The following PELI2 variants were observed in gnomAD, a reference collection of about 807,000 sequenced individuals.
The protein encoded by PELI2 is pellino E3 ubiquitin protein ligase family member 2.
A neutral mutation model predicts 42.3 loss-of-function variants in PELI2; 23 were observed. That is an observed-to-expected ratio of 0.54 (90% CI 0.39 to 0.77). The LOEUF is 0.77. PELI2 is among the 30% of genes least tolerant of loss of function. PELI2 has a pLI of 0.00. For synonymous variants in PELI2, 245 were observed against 212.2 expected, an observed-to-expected ratio of 1.15 and a Z score of -1.34; for missense variants, 463 against 553.2, an observed-to-expected ratio of 0.84 and a Z score of 1.64.
chr14:56,296,172 C>T lies in PELI2; in HGVS notation c.697-428C>T, dbSNP rs144761195. ...CCTCCAGTAATGACTGCAGGCCCCCCGCAAGATCTTCTGGATTGGCTGTCA... is the reference window on the plus strand; with the variant it reads ...CCTCCAGTAATGACTGCAGGCCCCCTGCAAGATCTTCTGGATTGGCTGTCA... On this transcript the variant is annotated intron_variant, in intron 5 of 5. Coordinates refer to ENST00000267460, the MANE Select transcript of PELI2 (RefSeq NM_021255.3). 6.2e-4 allele frequency among the ~76,000 whole-genome samples: 94 copies of T among 152,280 alleles called. 1 individual carries two copies. In the South Asian group the frequency reaches 0.01, roughly 16 times the overall value.
intron 2 of PELI2, among the ~76,000 whole-genome samples, chr14:56,199,153 A>G (rs1886242316): frequency 6.6e-6 from 1 of 152,180 alleles, no homozygotes; most frequent in Non-Finnish European, 1.5e-5. Flanking sequence ...TTTTATTACT[A>G]TCATGTGTGA....
rs569232506 is a variant in PELI2, at chr14:56,297,660, G to C, written c.*494G>C. On this transcript the variant is annotated 3_prime_UTR_variant, in exon 6 of 6. Transcript: ENST00000267460. Reference sequence around the variant, plus strand: ...GACAGCAGAGGGGCGGCTCTGTACAGTGTGACTGGTGGACAGATGGCCTTA... The same window carrying C: ...GACAGCAGAGGGGCGGCTCTGTACACTGTGACTGGTGGACAGATGGCCTTA... 6.5e-6 allele frequency: 1 copy of C among 154,092 alleles called. No homozygotes were observed. The highest frequency in any genetic ancestry group is 2.4e-5 in the African/African-American group (1 of 41,570). 9.5% of individuals were successfully genotyped at this position (154,092 alleles called of 1,614,324 possible).
At chr14:56,263,180 C>G (rs955360250) in intron 2 of PELI2, among the ~76,000 whole-genome samples, 3 of 152,088 alleles carry the variant, frequency 2.0e-5, no homozygotes, top group Admixed American at 6.5e-5. Context: ...AGGCTGGTGT[C>G]GAATTCCTGA....
chr14:56,128,340 A>G (rs1366305662), intron 1 of PELI2, among the ~76,000 whole-genome samples: 2 of 152,336 alleles, frequency 1.3e-5, no homozygotes, highest in South Asian at 2.1e-4. Context: ...GGCATACTAT[A>G]TGCCAGGTTC....
intron 1 of PELI2, among the ~76,000 whole-genome samples, chr14:56,135,124 C>T (rs567473138): frequency 6.6e-6 from 1 of 152,212 alleles, no homozygotes; most frequent in Non-Finnish European, 1.5e-5. Context: ...TCTGCAACCC[C>T]AGAGCTGTAG....
intron 2 of PELI2, among the ~76,000 whole-genome samples, chr14:56,188,107 C>G (rs1885832512): frequency 6.6e-6 from 1 of 152,198 alleles, no homozygotes; most frequent in Non-Finnish European, 1.5e-5. Context: ...TCTGTGAACT[C>G]CTAGAATGCC....
At chr14:56,196,398 T>G (rs1886131676) in intron 2 of PELI2, among the ~76,000 whole-genome samples, 1 of 152,256 alleles carries the variant, frequency 6.6e-6, no homozygotes, top group Admixed American at 6.5e-5. Context: ...TAATTTGATA[T>G]CTGGTGATGA....
Position 56,208,042 on chromosome 14 carries a change from T to C in PELI2, c.207+29578T>C, listed in dbSNP as rs114456129. The stretch of plus-strand genomic sequence containing the variant: ...CATCTCTTGCATGTCAGACACTGCA[T>C]TGGTGCCTACATTCAAAGTGCTGTG... On this transcript the variant is annotated intron_variant, in intron 2 of 5. Coordinates refer to ENST00000267460, the MANE Select transcript of PELI2 (RefSeq NM_021255.3). Among the ~76,000 whole-genome samples, 261 of 152,344 alleles carry C rather than the reference T, an allele frequency of 1.7e-3. 1 individual carries two copies. The highest frequency in any genetic ancestry group is 6.2e-3 in the African/African-American group (258 of 41,590).
chr14:56,140,515 TC>T (rs1374028000), intron 1 of PELI2, among the ~76,000 whole-genome samples: 1 of 152,152 alleles, frequency 6.6e-6, no homozygotes, highest in African/African-American at 2.4e-5. Flanking sequence ...TGAAAACAAC[TC>T]CTGTTTTGAA....
chr14:56,233,590 A>C (rs928655767), intron 2 of PELI2, among the ~76,000 whole-genome samples: 1 of 152,244 alleles, frequency 6.6e-6, no homozygotes, highest in Admixed American at 6.5e-5. Context: ...CTCACAGCTT[A>C]TACAAAAATT....
chr14:56,237,088 C>T (rs1887824264), intron 2 of PELI2, among the ~76,000 whole-genome samples: 1 of 152,162 alleles, frequency 6.6e-6, no homozygotes, highest in Middle Eastern at 3.2e-3. Flanking sequence ...CCCCTCCTTG[C>T]TTCTTGAGAT....
At chr14:56,235,669 C>T (rs1037213750) in intron 2 of PELI2, among the ~76,000 whole-genome samples, 5 of 152,236 alleles carry the variant, frequency 3.3e-5, no homozygotes, top group Admixed American at 1.3e-4. Context: ...GTTTGTAGAA[C>T]ATGGTGTTTA....
intron 1 of PELI2, among the ~76,000 whole-genome samples, chr14:56,147,728 G>T (rs1489747752): frequency 1.3e-5 from 2 of 152,178 alleles, no homozygotes; most frequent in African/African-American, 4.8e-5. Context: ...GAATTCTCTG[G>T]CCCTAGCCTT....
Position 56,279,702 on chromosome 14 carries a change from T to C in PELI2, c.234T>C (p.Ser78=), listed in dbSNP as rs1230560643. The change falls in exon 3 of 6, where the codon AGT becomes AGC. Residue 78 remains serine, a synonymous_variant. Coordinates refer to ENST00000267460, the MANE Select transcript of PELI2 (RefSeq NM_021255.3). ...SKAISCKGQH[S]ISYTLSRNQT... ...CTATCAGCTGCAAAGGTCAACACAG[T>C]ATATCCTACACTTTGTCAAGGAATC... is the stretch of plus-strand genomic sequence containing the variant. The C allele has an allele frequency of 3.8e-6, 6 of 1,597,990 alleles. No individual in the cohort carries two copies. In the East Asian group the frequency reaches 1.3e-4, roughly 36 times the overall value.
chr14:56,299,108 C>G lies in PELI2; in HGVS notation c.*1942C>G, dbSNP rs1890099001. ...AGGAGGCACTCGTTCTCTTTTCTTG[C>G]TGTATGCCTAGAAAGTGGTTGAAGG... is the stretch of plus-strand genomic sequence containing the variant. On this transcript the variant is annotated 3_prime_UTR_variant, in exon 6 of 6. Coordinates refer to ENST00000267460, the MANE Select transcript of PELI2 (RefSeq NM_021255.3). 1 of 152,138 alleles carries G rather than the reference C, an allele frequency of 6.6e-6. No individual in the cohort carries two copies. Among genetic ancestry groups the G allele is most frequent in the African/African-American group, 2.4e-5 (1 of 41,440 alleles). The allele number at this position is 152,138 out of a possible 1,614,324, so 9.4% of individuals were successfully genotyped here.
chr14:56,229,959 G>T (rs1887498708), intron 2 of PELI2, among the ~76,000 whole-genome samples: 1 of 152,226 alleles, frequency 6.6e-6, no homozygotes, highest in African/African-American at 2.4e-5. Context: ...GCATGCAGAA[G>T]CTTCAGTAGC....
At position 56,299,514 on chromosome 14, in the gene PELI2, T is replaced by G. The variant is rs544698683; in HGVS notation, c.*2348T>G. The G allele has an allele frequency of 2.0e-5, 3 of 152,286 alleles. No individual in the cohort carries two copies. In the East Asian group the frequency reaches 5.8e-4, roughly 29 times the overall value. The allele number at this position is 152,286 out of a possible 1,614,324, so 9.4% of individuals were successfully genotyped here. A position where few individuals can be genotyped will look rare whatever the true frequency, so the allele number is the denominator to read the frequency against. ...AAAGTCAGGTCCCGCCCACCCTGCC[T>G]AAGGAACTGCAGAGAGGTGGCAAAT... On this transcript the variant is annotated 3_prime_UTR_variant, in exon 6 of 6. Transcript: ENST00000267460.
At chr14:56,241,047 G>A (rs1482238146) in intron 2 of PELI2, among the ~76,000 whole-genome samples, 1 of 152,092 alleles carries the variant, frequency 6.6e-6, no homozygotes, top group Non-Finnish European at 1.5e-5. Flanking sequence ...GTCTCCCCTT[G>A]CTTGGCTCCT....
intron 2 of PELI2, among the ~76,000 whole-genome samples, chr14:56,179,012 G>T (rs1885485663): frequency 6.6e-6 from 1 of 152,032 alleles, no homozygotes; most frequent in Non-Finnish European, 1.5e-5. Context: ...ACGACCAAGT[G>T]ATAAAAGAGG....
Sources: allele counts gnomAD v4.1 joint callset (sites outside exome capture counted in the v4.1 genomes callset), GRCh38; gene constraint gnomAD v4.1.1; transcripts MANE v1.5; gene names NCBI Gene and HGNC (gene_info 2026-07-23, HGNC 2026-07-21).